The following BAG3 variants were observed in gnomAD, a reference collection of about 807,000 sequenced individuals.
BAG3 encodes BAG family molecular chaperone regulator 3.
In BAG3, 14 loss-of-function variants were observed where a neutral mutation model predicts 40.5. That is an observed-to-expected ratio of 0.35 (90% confidence interval 0.23 to 0.54). BAG3 has a LOEUF of 0.54. Among genes scored for constraint, BAG3 ranks in the 20% least tolerant of loss-of-function variants. The pLI, the probability that BAG3 is intolerant of heterozygous loss-of-function variation, is 0.91. For synonymous variants in BAG3, 302 were observed against 307.8 expected, an observed-to-expected ratio of 0.98 and a Z score of 0.20; for missense variants, 788 against 758.6, an observed-to-expected ratio of 1.04 and a Z score of -0.46.
At chr10:119,667,725 A>G (rs1564772730) in intron 1 of BAG3, among the ~76,000 whole-genome samples, 1 of 152,110 alleles carries the variant, frequency 6.6e-6, no homozygotes, top group Non-Finnish European at 1.5e-5. Context: ...GGGTGGCAGG[A>G]TGTTCCCCCA....
At chr10:119,666,616 C>T (rs1371865555) in intron 1 of BAG3, among the ~76,000 whole-genome samples, 7 of 152,264 alleles carry the variant, frequency 4.6e-5, no homozygotes, top group African/African-American at 7.2e-5. Context: ...ATGAGGTGCT[C>T]AGCTCGTGGC....
At chr10:119,657,960 G>A (rs1438407081) in intron 1 of BAG3, among the ~76,000 whole-genome samples, 1 of 152,246 alleles carries the variant, frequency 6.6e-6, no homozygotes, top group Non-Finnish European at 1.5e-5. Context: ...GAATCGCAGA[G>A]TGCCAGCTCT....
At chr10:119,660,831 C>T (rs1259573300) in intron 1 of BAG3, among the ~76,000 whole-genome samples, 1 of 150,920 alleles carries the variant, frequency 6.6e-6, no homozygotes, top group Non-Finnish European at 1.5e-5. Context: ...TGGTGGCTCA[C>T]GGCTGTCATC....
At chr10:119,651,999 C>A (rs1589620103) in intron 1 of BAG3, 144 bp downstream of exon 1, 5 of 640,796 alleles carry the variant, frequency 7.8e-6, no homozygotes. Flanking sequence ...GCTCCGCGCC[C>A]CGCCACACAC....
In BAG3 at chr10:119,651,646, C is replaced by T; in HGVS notation, c.-30C>T. 2 of 1,514,778 alleles carry T rather than the reference C, an allele frequency of 1.3e-6. No homozygotes were observed. The highest frequency in any genetic ancestry group is 2.5e-5 in the South Asian group (2 of 80,516). The allele number at this position is 1,514,778 out of a possible 1,614,324, so 93.8% of individuals were successfully genotyped here. On this transcript the variant is annotated 5_prime_UTR_variant, in exon 1 of 4. Transcript: ENST00000369085. ...GCGCCCGGAGCCAGCGCCCCGCACCCGCGCCCCAGCGGGCAGACCCCAACC... is the reference window on the plus strand; with the variant it reads ...GCGCCCGGAGCCAGCGCCCCGCACCTGCGCCCCAGCGGGCAGACCCCAACC...
At chr10:119,673,320 C>A (rs913948162) in intron 3 of BAG3, among the ~76,000 whole-genome samples, 2 of 152,230 alleles carry the variant, frequency 1.3e-5, no homozygotes, top group African/African-American at 4.8e-5. Flanking sequence ...CAGCTTAGGG[C>A]TGAGCCTGAC....
rs866492709 is a variant in BAG3 at position 119,651,946 on chromosome 10, C to A, written c.180+91C>A. On this transcript the variant is annotated intron_variant, in intron 1 of 3. Coordinates refer to ENST00000369085, the MANE Select transcript of BAG3 (RefSeq NM_004281.4). ...GCTGGGCCGGGGGGACGCGAGGCGG[C>A]GGGGCCCGGGGGTCGGCGAAGGCCC... 4.4e-6 allele frequency: 5 copies of A among 1,128,452 alleles called. 1 individual carries two copies. In the Middle Eastern group the frequency reaches 1.0e-3, roughly 226 times the overall value. 69.9% of individuals were successfully genotyped at this position (1,128,452 alleles called of 1,614,324 possible). A position where few individuals can be genotyped will look rare whatever the true frequency, so the allele number is the denominator to read the frequency against.
At chr10:119,657,062 G>C (rs575242470) in intron 1 of BAG3, among the ~76,000 whole-genome samples, 16 of 152,246 alleles carry the variant, frequency 1.1e-4, no homozygotes, top group Admixed American at 8.5e-4. Context: ...CCCAGGCACA[G>C]CTTGAGGTGA....
chr10:119,662,022 C>T (rs1846997518), intron 1 of BAG3, among the ~76,000 whole-genome samples: 2 of 152,144 alleles, frequency 1.3e-5, no homozygotes, highest in Non-Finnish European at 2.9e-5. Context: ...GGTGCTGAAG[C>T]TCGACTCCAG....
Position 119,669,258 on chromosome 10 carries a change from C to G in BAG3, c.181-593C>G, listed in dbSNP as rs180872365. Among the ~76,000 whole-genome samples, 330 of 152,302 alleles carry G rather than the reference C, an allele frequency of 2.2e-3. 2 individuals are homozygous for G. The highest frequency in any genetic ancestry group is 7.5e-3 in the African/African-American group (311 of 41,552). On this transcript the variant is annotated intron_variant, in intron 1 of 3. Transcript: ENST00000369085. ...GACACAGTTAACCCTGGGTGCCCCT[C>G]TCTCCCTATGCTGCCTCTGCATCCC... is the stretch of plus-strand genomic sequence containing the variant.
chr10:119,672,144 G>A lies in BAG3; in HGVS notation c.508-111G>A, dbSNP rs1399756041. On this transcript the variant is annotated intron_variant, in intron 2 of 3. Transcript: ENST00000369085. The surrounding 1 kb of genome is among the most constrained non-coding windows in gnomAD (Gnocchi z 4.8). ...GAAAATTGAAAATTACAGATAGGAG[G>A]TCTTACAATATGGATTGCCCTGAGG... 1.4e-6 allele frequency: 2 copies of A among 1,401,362 alleles called. No individual in the cohort carries two copies. The highest frequency in any genetic ancestry group is 1.0e-6 in the Non-Finnish European group (1 of 1,001,286). The allele number at this position is 1,401,362 out of a possible 1,614,324, so 86.8% of individuals were successfully genotyped here.
chr10:119,676,037 C>T (rs147750370), intron 3 of BAG3, among the ~76,000 whole-genome samples: 4 of 147,246 alleles, frequency 2.7e-5, no homozygotes, highest in Admixed American at 6.9e-5. Context: ...GCGATTCTTC[C>T]GCCTCAGCCT....
rs760485616 is a variant in BAG3 at position 119,677,178 on chromosome 10, G to T, written c.1624G>T (p.Ala542Ser). Residue 542 changes from alanine (A) to serine (S), a missense_variant, in exon 4 of 4, where the codon GCA (alanine) becomes TCA (serine). Coordinates refer to ENST00000369085, the MANE Select transcript of BAG3 (RefSeq NM_004281.4). ...CAAGGGCAAGAAAAATGCTGGAAAT[G>T]CAGAAGATCCCCACACAGAAACCCA... ...ADKGKKNAGN[A>S]EDPHTETQQP... 4 of 1,614,038 alleles carry T rather than the reference G, an allele frequency of 2.5e-6. No individual in the cohort carries two copies. Among genetic ancestry groups the T allele is most frequent in the African/African-American group, 2.7e-5 (2 of 74,934 alleles).
intron 1 of BAG3, among the ~76,000 whole-genome samples, chr10:119,660,672 C>A (rs950638901): frequency 6.6e-6 from 1 of 151,686 alleles, no homozygotes; most frequent in African/African-American, 2.4e-5. Context: ...ATAGTGAGAC[C>A]TTGTCTCTAA....
intron 1 of BAG3, among the ~76,000 whole-genome samples, chr10:119,658,317 C>T (rs541054982): frequency 5.9e-5 from 9 of 152,348 alleles, no homozygotes; most frequent in Admixed American, 5.2e-4. Flanking sequence ...AGCATCCCAG[C>T]GGGGTTAGCA....
chr10:119,668,369 G>T (rs1403524320), intron 1 of BAG3, among the ~76,000 whole-genome samples: 2 of 152,256 alleles, frequency 1.3e-5, no homozygotes, highest in African/African-American at 4.8e-5. Context: ...TGATTCCGCA[G>T]CAGTAGAGAT....
At chr10:119,665,142 A>C (rs371420944) in intron 1 of BAG3, among the ~76,000 whole-genome samples, 26,658 of 85,906 alleles carry the variant, frequency 0.31, 4,627 homozygotes, top group African/African-American at 0.33. Flanking sequence ...ATATATATAT[A>C]TATTTTTTTT....
chr10:119,674,545 T>C (rs997976451), intron 3 of BAG3, among the ~76,000 whole-genome samples: 1 of 152,202 alleles, frequency 6.6e-6, no homozygotes, highest in Non-Finnish European at 1.5e-5. Context: ...CTGAACGTTA[T>C]AGTGGAATTG....
In BAG3 at chr10:119,672,508, A is replaced by T; in HGVS notation, c.761A>T (p.Asp254Val). 6.2e-7 allele frequency: 1 copy of T among 1,614,120 alleles called. No homozygotes were observed. Among genetic ancestry groups the T allele is most frequent in the South Asian group, 1.1e-5 (1 of 91,082 alleles). The change falls in exon 3 of 4, where the codon GAC (aspartate) becomes GTC (valine). Residue 254 changes from aspartate to valine, a missense_variant. Transcript: ENST00000369085. The surrounding 1 kb of genome is among the most constrained non-coding windows in gnomAD (Gnocchi z 4.8). The part of the protein sequence containing the change: ...QPVYHKIQGD[D>V]WEPRPLRAAS... Reference sequence around the variant, plus strand: ...GTGTACCACAAGATCCAGGGGGATGACTGGGAGCCCCGGCCCCTGCGGGCG... The same window carrying T: ...GTGTACCACAAGATCCAGGGGGATGTCTGGGAGCCCCGGCCCCTGCGGGCG...
Sources: allele counts gnomAD v4.1 joint callset (sites outside exome capture counted in the v4.1 genomes callset), GRCh38; gene constraint gnomAD v4.1.1; non-coding constraint Gnocchi (gnomAD v3.1); transcripts MANE v1.5; gene names NCBI Gene and HGNC (gene_info 2026-07-23, HGNC 2026-07-21).